STAT3: variants seen among roughly 807,000 people sequenced by gnomAD.
STAT3 encodes the protein signal transducer and activator of transcription 3, also known as DNA-binding protein APRF.
In STAT3, 7 loss-of-function variants were observed where a neutral mutation model predicts 114.3. The ratio of observed to expected loss-of-function variants is 0.06; its 90% CI spans 0.03 to 0.11. The LOEUF is 0.11. Among genes scored for constraint, STAT3 ranks in the 10% least tolerant of loss-of-function variants. The pLI, the probability that STAT3 is intolerant of heterozygous loss-of-function variation, is 1.00. For synonymous variants in STAT3, 331 were observed against 354.5 expected, an observed-to-expected ratio of 0.93 and a Z score of 0.74; for missense variants, 364 against 960.9, an observed-to-expected ratio of 0.38 and a Z score of 8.21.
At position 42,314,516 on chromosome 17, in the gene STAT3, T is replaced by C. The variant is rs112608032; in HGVS notation, c.*1229A>G. 4.3e-6 allele frequency: 1 copy of C among 232,412 alleles called. No homozygotes were observed. 14.4% of individuals were successfully genotyped at this position (232,412 alleles called of 1,614,324 possible). On this transcript the variant is annotated 3_prime_UTR_variant, in exon 24 of 24. Transcript: ENST00000264657. ...GCAGGAAGGAAGCCAGAATCAGAAG[T>C]ATCCCAGCCCTGATAAGGCACCCAC...
intron 23 of STAT3, 119 bp from the exon 24 acceptor site, chr17:42,315,919 C>A (rs889963084): frequency 6.3e-7 from 1 of 1,591,016 alleles, no homozygotes; most frequent in East Asian, 2.2e-5. Flanking sequence ...TCTCCTGCCC[C>A]TTAAGGCCCA....
intron 11 of STAT3, among the ~76,000 whole-genome samples, chr17:42,331,152 G>A (rs2081995292): frequency 6.6e-6 from 1 of 152,156 alleles, no homozygotes; most frequent in Non-Finnish European, 1.5e-5. Flanking sequence ...ACATTTTGCA[G>A]AACGTATCCC....
intron 21 of STAT3, chr17:42,317,565 C>A: frequency 2.4e-6 from 1 of 414,328 alleles, no homozygotes; most frequent in Non-Finnish European, 4.5e-6. Context: ...TCCACGTGGT[C>A]TGAGCATTCT....
At chr17:42,370,631 T>TG (rs1340881653) in intron 1 of STAT3, among the ~76,000 whole-genome samples, 1 of 151,334 alleles carries the variant, frequency 6.6e-6, no homozygotes. Context: ...TTTCTTTTTT[T>TG]GTTTTTTTTT....
intron 1 of STAT3, among the ~76,000 whole-genome samples, chr17:42,378,826 A>G (rs1477702889): frequency 6.6e-6 from 1 of 152,198 alleles, no homozygotes; most frequent in Non-Finnish European, 1.5e-5. Context: ...AGGGGAAAAC[A>G]AGAAAAGTCT....
intron 1 of STAT3, among the ~76,000 whole-genome samples, chr17:42,367,654 C>A (rs1257765095): frequency 2.0e-5 from 3 of 152,152 alleles, no homozygotes; most frequent in African/African-American, 7.2e-5. Context: ...TCTAAAACAG[C>A]AACATCTCCC....
chr17:42,371,884 G>A (rs930122880), intron 1 of STAT3, among the ~76,000 whole-genome samples: 1 of 151,892 alleles, frequency 6.6e-6, no homozygotes, highest in African/African-American at 2.4e-5. Flanking sequence ...TTGGGAGGCT[G>A]AGGCAGGAGA....
At chr17:42,339,457 G>C in intron 4 of STAT3, 48 bp from the exon 5 acceptor site, 1 of 1,581,376 alleles carries the variant, frequency 6.3e-7, no homozygotes, top group Non-Finnish European at 8.7e-7. Context: ...ACTATGGGGA[G>C]AGGAATACCT....
chr17:42,317,061 T>A (rs765618236), intron 22 of STAT3, 121 bp downstream of exon 22: 187 of 1,577,218 alleles, frequency 1.2e-4, no homozygotes, highest in Non-Finnish European at 1.6e-4. Flanking sequence ...TCACTTTGAG[T>A]ACTAAACATA....
rs868340717 is a variant in STAT3, at chr17:42,380,669, G to A, written c.-24+7610C>T. ...CTCCCAAAGTGCTGGGATTACAGGCGTGAGCCACCGCACTCGGCCTGATAT... is the reference window on the plus strand; with the variant it reads ...CTCCCAAAGTGCTGGGATTACAGGCATGAGCCACCGCACTCGGCCTGATAT... On this transcript the variant is annotated intron_variant, in intron 1 of 23. Coordinates refer to ENST00000264657, the MANE Select transcript of STAT3 (RefSeq NM_139276.3). Among the ~76,000 whole-genome samples the A allele has an allele frequency of 1.1e-4, 16 of 152,298 alleles. No homozygotes were observed. The Middle Eastern group carries it at 0.01, about 97-fold the overall frequency.
At chr17:42,385,824 AC>A (rs926713787) in intron 1 of STAT3, among the ~76,000 whole-genome samples, 12 of 152,180 alleles carry the variant, frequency 7.9e-5, no homozygotes, top group Non-Finnish European at 1.3e-4. Context: ...AATTATGCTG[AC>A]CAAAAACAGT....
intron 1 of STAT3, among the ~76,000 whole-genome samples, chr17:42,362,089 C>T (rs1301287166): frequency 6.6e-6 from 1 of 152,172 alleles, no homozygotes; most frequent in Non-Finnish European, 1.5e-5. Flanking sequence ...GTCACATGCT[C>T]AGCATGGTAA....
intron 14 of STAT3, among the ~76,000 whole-genome samples, chr17:42,328,510 C>T (rs993928944): frequency 2.6e-5 from 4 of 152,164 alleles, no homozygotes; most frequent in Non-Finnish European, 5.9e-5. Context: ...CAGGTTCAAG[C>T]GATTCTCATG....
At chr17:42,331,252 T>C (rs1054458917) in intron 11 of STAT3, among the ~76,000 whole-genome samples, 3 of 152,236 alleles carry the variant, frequency 2.0e-5, no homozygotes, top group Non-Finnish European at 4.4e-5. Flanking sequence ...AAAGAGGGAC[T>C]GGTTGTCACA....
chr17:42,315,975 T>TG, intron 23 of STAT3, 175 bp from the exon 24 acceptor site: 1 of 1,485,292 alleles, frequency 6.7e-7, no homozygotes, highest in African/African-American at 1.4e-5. Flanking sequence ...TGGAGGACCC[T>TG]GCCTCGGGAA....
chr17:42,384,965 C>G (rs2085015685), intron 1 of STAT3, among the ~76,000 whole-genome samples: 1 of 152,184 alleles, frequency 6.6e-6, no homozygotes, highest in African/African-American at 2.4e-5. Context: ...CTCTGAAGAT[C>G]TGTAGCATTC....
intron 1 of STAT3, among the ~76,000 whole-genome samples, chr17:42,358,933 C>CTTTTTTTTTCTTTTTTT (rs2083366917): frequency 1.0e-5 from 1 of 100,500 alleles, no homozygotes; most frequent in Non-Finnish European, 1.9e-5. Context: ...ACATTTCTTA[C>CTTTTTTTTTCTTTTTTT]TTTTTTTTTT....
intron 1 of STAT3, among the ~76,000 whole-genome samples, chr17:42,352,651 C>CA (rs766577639): frequency 0.011 from 874 of 78,710 alleles, 6 homozygotes; most frequent in African/African-American, 0.028. Context: ...GACTCTGTCT[C>CA]AAAAAAAAAA....
intron 1 of STAT3, chr17:42,387,962 A>T: frequency 3.6e-6 from 1 of 276,608 alleles, no homozygotes; most frequent in East Asian, 5.8e-5. Flanking sequence ...CCAGGGCCCC[A>T]GGGAGCAGGA....
Sources: gnomAD v4.1 joint callset for allele counts (sites outside exome capture counted in the v4.1 genomes callset) on GRCh38, gnomAD v4.1.1 for gene constraint, MANE v1.5 for transcripts, NCBI Gene and HGNC (gene_info 2026-07-23, HGNC 2026-07-21) for gene names.